The following MRPL28 variants were observed in gnomAD, a reference collection of about 807,000 sequenced individuals.
MRPL28 encodes the protein mitochondrial ribosomal protein L28, also known as large ribosomal subunit protein bL28m.
A neutral mutation model predicts 26.2 loss-of-function variants in MRPL28; 25 were observed. That is an observed-to-expected ratio of 0.95 (90% CI 0.69 to 1.33). The LOEUF is 1.33. Among genes scored for constraint, MRPL28 ranks in the 40% most tolerant of loss-of-function variants. The probability of loss-of-function intolerance (pLI) is 0.00; values close to 1 mark genes in which losing one functional copy is unlikely to be tolerated. For synonymous variants in MRPL28, 227 were observed against 140.1 expected (o/e 1.62, Z -4.38); for missense variants, 432 against 327.2 (o/e 1.32, Z -2.47).
rs1271405173 is a variant in MRPL28 at position 367,523 on chromosome 16, C to T, written c.*152G>A. On this transcript the variant is annotated 3_prime_UTR_variant, in exon 6 of 6. Coordinates refer to ENST00000199706, the MANE Select transcript of MRPL28 (RefSeq NM_006428.5). ...CCTGGGGATCCCTGCCAAGCTGGCC[C>T]CGGGCTGGAAGGTGCATGGGCAGCA... 2 of 770,778 alleles carry T rather than the reference C, an allele frequency of 2.6e-6. No homozygotes were observed. Among genetic ancestry groups the T allele is most frequent in the African/African-American group, 3.5e-5 (2 of 57,902 alleles). 47.7% of individuals were successfully genotyped at this position (770,778 alleles called of 1,614,324 possible). A position where few individuals can be genotyped will look rare whatever the true frequency, so the allele number is the denominator to read the frequency against.
rs773091293 is a variant in MRPL28 at position 367,384 on chromosome 16, TAC to T, written c.*289_*290del. The T allele has an allele frequency of 5.9e-5, 40 of 682,856 alleles. No individual in the cohort carries two copies. Among genetic ancestry groups the T allele is most frequent in the Middle Eastern group, 2.4e-4 (1 of 4,218 alleles). 42.3% of individuals were successfully genotyped at this position (682,856 alleles called of 1,614,324 possible). A position where few individuals can be genotyped will look rare whatever the true frequency, so the allele number is the denominator to read the frequency against. On this transcript the variant is annotated 3_prime_UTR_variant, in exon 6 of 6. Transcript: ENST00000199706. ...AGAACACCAGTCCTCAAAGCAAAGATACACACACACAGCCTGGCCCAGACTTT... is the reference window on the plus strand; with the variant it reads ...AGAACACCAGTCCTCAAAGCAAAGATACACACACAGCCTGGCCCAGACTTT...
intron 3 of MRPL28, 174 bp from the exon 4 acceptor site, chr16:368,809 T>C (rs1361934164): frequency 2.6e-6 from 3 of 1,133,342 alleles, no homozygotes; most frequent in Non-Finnish European, 2.4e-6. Flanking sequence ...CAGAAGCAAG[T>C]CCAAGTGCAG....
At chr16:369,391 C>G in intron 2 of MRPL28, 171 bp from the exon 3 acceptor site, 1 of 787,016 alleles carries the variant, frequency 1.3e-6, no homozygotes, top group Admixed American at 2.7e-5. Flanking sequence ...CCGCCCCAGC[C>G]CGACCCGGGT....
chr16:368,540 C>G lies in MRPL28; in HGVS notation c.537G>C (p.Glu179Asp). The stretch of plus-strand genomic sequence containing the variant: ...AGATGGCTGCCCGCCGCTCGGGGTC[C>G]TCGGGGTGCAGCTGGGGGTCCTGCC... ...LARQDPQLHP[E>D]DPERRAAIYD... is the part of the protein sequence containing the mutation. Residue 179 changes from glutamate (E) to aspartate (D), a missense_variant, in exon 4 of 6, where the codon GAG (glutamate) becomes GAC (aspartate). Physicochemically the swap from Glu to Asp is conservative, Grantham distance 45. Transcript: ENST00000199706. The G allele has an allele frequency of 6.3e-7, 1 of 1,596,126 alleles. No homozygotes were observed. Among genetic ancestry groups the G allele is most frequent in the Admixed American group, 1.7e-5 (1 of 59,046 alleles).
At chr16:367,920 T>A (rs2054275351) in intron 5 of MRPL28, 138 bp from the exon 6 acceptor site, 1 of 688,816 alleles carries the variant, frequency 1.5e-6, no homozygotes, top group Non-Finnish European at 2.5e-6. Context: ...GTCGGTGAGA[T>A]GAGGAACCCC....
intron 2 of MRPL28, chr16:369,705 T>C (rs2054301283): frequency 1.4e-6 from 1 of 708,850 alleles, no homozygotes; most frequent in African/African-American, 2.1e-5. Context: ...CCACGGCCTC[T>C]GGTTGCTCCC....
Position 367,382 on chromosome 16 carries a change from G to T in MRPL28, c.*293C>A, listed in dbSNP as rs929854967. On this transcript the variant is annotated 3_prime_UTR_variant, in exon 6 of 6. Transcript: ENST00000199706. ...AGAGAACACCAGTCCTCAAAGCAAA[G>T]ATACACACACACAGCCTGGCCCAGA... is the stretch of plus-strand genomic sequence containing the variant. 3 of 682,020 alleles carry T rather than the reference G, an allele frequency of 4.4e-6. No individual in the cohort carries two copies. Among genetic ancestry groups the T allele is most frequent in the African/African-American group, 3.6e-5 (2 of 56,162 alleles). The allele number at this position is 682,020 out of a possible 1,614,324, so 42.2% of individuals were successfully genotyped here.
chr16:370,163 C>A lies in MRPL28; in HGVS notation c.56G>T (p.Gly19Val), dbSNP rs748316522. 1.9e-6 allele frequency: 3 copies of A among 1,599,956 alleles called. No homozygotes were observed. The African/African-American group carries it at 4.0e-5, about 21-fold the overall frequency. ...GTGGCCGGGCAGGCGGGAACAGATG[C>A]CCTCCCGCAGCTGCAGCCGCTTCCA... is the stretch of plus-strand genomic sequence containing the variant. ...WLWKRLQLRE[G>V]ICSRLPGHYL... is the part of the protein sequence containing the mutation. The change falls in exon 2 of 6, where the codon GGC (glycine) becomes GTC (valine). Residue 19 changes from glycine (G) to valine (V), a missense_variant. Transcript: ENST00000199706.
intron 2 of MRPL28, 101 bp from the exon 3 acceptor site, chr16:369,321 C>G: frequency 7.0e-7 from 1 of 1,434,632 alleles, no homozygotes; most frequent in Non-Finnish European, 9.5e-7. Flanking sequence ...GGCTCCATCA[C>G]AGAACCACTG....
intron 3 of MRPL28, chr16:368,841 C>T (rs2054287030): frequency 9.9e-7 from 1 of 1,007,136 alleles, no homozygotes; most frequent in Non-Finnish European, 1.4e-6. Flanking sequence ...GCTGTGCTCG[C>T]TCAGGCCCCA....
intron 3 of MRPL28, 149 bp from the exon 4 acceptor site, chr16:368,784 G>C: frequency 4.7e-6 from 6 of 1,282,364 alleles, no homozygotes; most frequent in South Asian, 3.0e-5. Context: ...CCCAGCCTGG[G>C]GGGTGGGATC....
chr16:367,927 C>T, intron 5 of MRPL28, 145 bp from the exon 6 acceptor site: 1 of 674,504 alleles, frequency 1.5e-6, no homozygotes, highest in Non-Finnish European at 2.6e-6. Context: ...AGATGAGGAA[C>T]CCCCTCCCTT....
intron 3 of MRPL28, 163 bp downstream of exon 3, chr16:368,905 C>T (rs2054287876): frequency 9.3e-7 from 1 of 1,077,960 alleles, no homozygotes; most frequent in African/African-American, 1.6e-5. Context: ...CAGGAAACCC[C>T]ACTGGTGCTG....
intron 2 of MRPL28, chr16:369,477 G>A (rs1267296023): frequency 3.2e-6 from 2 of 632,946 alleles, no homozygotes; most frequent in Non-Finnish European, 5.7e-6. Context: ...GTTGCTGCAT[G>A]TGTTTCAGAA....
chr16:368,267 C>T, intron 5 of MRPL28, 61 bp downstream of exon 5: 1 of 1,582,104 alleles, frequency 6.3e-7, no homozygotes, highest in South Asian at 1.1e-5. Flanking sequence ...AGGCAGCACA[C>T]TCCCAGACCC....
In MRPL28 at chr16:370,001, G is replaced by A. The variant is rs746260183; in HGVS notation, c.218C>T (p.Pro73Leu). ...EDVPIPIYFP[P>L]ESQRGLWGGE... ...GCCCCACAACCCCCGCTGGGATTCG[G>A]GGGGAAAGTAGATGGGAATGGGCAC... Residue 73 changes from proline (P) to leucine (L), a missense_variant, in exon 2 of 6, where the codon CCC (proline) becomes CTC (leucine). Transcript: ENST00000199706. The A allele has an allele frequency of 6.2e-7, 1 of 1,613,200 alleles. No individual in the cohort carries two copies. Among genetic ancestry groups the A allele is most frequent in the Non-Finnish European group, 8.5e-7 (1 of 1,179,856 alleles).
At position 370,390 on chromosome 16, in the gene MRPL28, G is replaced by C. The variant is rs187222070; in HGVS notation, c.-8+109C>G. 0.52 allele frequency: 2,806 copies of C among 5,378 alleles called. 856 individuals are homozygous for C. Among genetic ancestry groups the C allele is most frequent in the South Asian group, 0.57 (306 of 534 alleles). The allele number at this position is 5,378 out of a possible 1,614,324, so 0.3% of individuals were successfully genotyped here. A position where few individuals can be genotyped will look rare whatever the true frequency, so the allele number is the denominator to read the frequency against. ...CTACCCCGGCCCCCGGCTCTCACCC[G>C]CTACCCCCTACCCCGGCCCCCGGTT... On this transcript the variant is annotated intron_variant, in intron 1 of 5. Transcript: ENST00000199706.
At position 367,100 on chromosome 16, in the gene MRPL28, G is replaced by C. The variant is rs1453473533; in HGVS notation, c.*575C>G. Among the ~76,000 whole-genome samples, 1 of 152,192 alleles carries C rather than the reference G, an allele frequency of 6.6e-6. No individual in the cohort carries two copies. Among genetic ancestry groups the C allele is most frequent in the Non-Finnish European group, 1.5e-5 (1 of 68,040 alleles). On this transcript the variant is annotated 3_prime_UTR_variant, in exon 6 of 6. Coordinates refer to ENST00000199706, the MANE Select transcript of MRPL28 (RefSeq NM_006428.5). ...GGTGCCTGTAATCCCAGCTACTCAG[G>C]AGGCTGAGACAGGACAATCACTTGA... is the stretch of plus-strand genomic sequence containing the variant.
In MRPL28 at chr16:369,175, G is replaced by C. The variant is rs776729941; in HGVS notation, c.334C>G (p.Arg112Gly). 1 of 1,614,040 alleles carries C rather than the reference G, an allele frequency of 6.2e-7. No individual in the cohort carries two copies. The highest frequency in any genetic ancestry group is 8.5e-7 in the Non-Finnish European group (1 of 1,179,954). ...KKVWKPQLFE[R>G]EFYSEILDKK... ...TCCAGGATCTCACTGTAGAACTCTC[G>C]CTCAAACAGCTGTGGCTTCCACACT... Residue 112 changes from arginine to glycine, a missense_variant, in exon 3 of 6, where the codon CGA becomes GGA. Physicochemically the swap from Arg to Gly is moderately radical, Grantham distance 125. Coordinates refer to ENST00000199706, the MANE Select transcript of MRPL28 (RefSeq NM_006428.5).
Sources: gnomAD v4.1 joint callset for allele counts (sites outside exome capture counted in the v4.1 genomes callset) on GRCh38, gnomAD v4.1.1 for gene constraint, MANE v1.5 for transcripts, NCBI Gene and HGNC (gene_info 2026-07-23, HGNC 2026-07-21) for gene names.